RHOH: variants seen among roughly 807,000 people sequenced by gnomAD.
RHOH encodes the protein rho-related GTP-binding protein RhoH.
A neutral mutation model predicts 13.8 loss-of-function variants in RHOH; 6 were observed. That is an observed-to-expected ratio of 0.44 (90% CI 0.24 to 0.86). The LOEUF is 0.86. Among genes scored for constraint, RHOH ranks in the 40% least tolerant of loss-of-function variants. The pLI is 0.24. For missense variants in RHOH, 147 were observed against 244.5 expected (o/e 0.60, Z 2.66); for synonymous variants, 117 against 103.0 (o/e 1.14, Z -0.82).
chr4:40,202,168 A>G (rs1934603271), intron 1 of RHOH, among the ~76,000 whole-genome samples: 1 of 151,890 alleles, frequency 6.6e-6, no homozygotes, highest in Non-Finnish European at 1.5e-5. Flanking sequence ...CCTGGTCTCC[A>G]TCTCCTGGGA....
chr4:40,191,869 A>G (rs1560672390), upstream of RHOH, among the ~76,000 whole-genome samples: 1 of 152,062 alleles, frequency 6.6e-6, no homozygotes, highest in Non-Finnish European at 1.5e-5. Flanking sequence ...TGATGTTTTT[A>G]TGGTTATGGC....
chr4:40,229,648 A>AAAAG (rs1553858793), intron 1 of RHOH, among the ~76,000 whole-genome samples: 9 of 151,580 alleles, frequency 5.9e-5, no homozygotes, highest in East Asian at 1.9e-4. Flanking sequence ...AAAAAAAAAA[A>AAAAG]AAAGAAAGAA....
At chr4:40,220,173 C>A (rs1431321544) in intron 1 of RHOH, among the ~76,000 whole-genome samples, 1 of 152,226 alleles carries the variant, frequency 6.6e-6, no homozygotes, top group African/African-American at 2.4e-5. Flanking sequence ...CAAATACCCA[C>A]GTGCACACCT....
chr4:40,238,999 T>C (rs1176862744), intron 1 of RHOH, among the ~76,000 whole-genome samples: 1 of 152,184 alleles, frequency 6.6e-6, no homozygotes, highest in African/African-American at 2.4e-5. Context: ...CATGTCCTTA[T>C]AGGGTATGGC....
intron 1 of RHOH, among the ~76,000 whole-genome samples, chr4:40,220,559 TC>T (rs1403611379): frequency 5.9e-5 from 9 of 152,116 alleles, no homozygotes; most frequent in Non-Finnish European, 8.8e-5. Flanking sequence ...TGAAATCATT[TC>T]TTCTATAGAG....
chr4:40,228,409 T>C (rs1410988121), intron 1 of RHOH, among the ~76,000 whole-genome samples: 1 of 152,152 alleles, frequency 6.6e-6, no homozygotes, highest in African/African-American at 2.4e-5. Context: ...AAATAGGATA[T>C]ATAGAAATGG....
At chr4:40,195,621 AT>A (rs1560675776), upstream of RHOH, among the ~76,000 whole-genome samples, 1 of 151,740 alleles carries the variant, frequency 6.6e-6, no homozygotes, top group African/African-American at 2.4e-5. Flanking sequence ...TGCCCAGCTA[AT>A]TTTTGTAGAG....
intron 1 of RHOH, among the ~76,000 whole-genome samples, chr4:40,236,604 C>T (rs932021401): frequency 2.0e-5 from 3 of 149,922 alleles, no homozygotes; most frequent in Non-Finnish European, 4.5e-5. Flanking sequence ...TCCTGGCCAA[C>T]ATGGTGAAAC....
At chr4:40,216,471 T>TA (rs200809041) in intron 1 of RHOH, among the ~76,000 whole-genome samples, 74 of 150,168 alleles carry the variant, frequency 4.9e-4, no homozygotes, top group Middle Eastern at 3.4e-3. Context: ...TCCATCTCAA[T>TA]AAAAAAAAAG....
At chr4:40,203,161 A>G (rs1264028175) in intron 1 of RHOH, among the ~76,000 whole-genome samples, 1 of 151,986 alleles carries the variant, frequency 6.6e-6, no homozygotes, top group East Asian at 1.9e-4. Context: ...TTTAGTTGAG[A>G]CGGAGTTTCA....
At chr4:40,234,120 C>A (rs1728274771) in intron 1 of RHOH, among the ~76,000 whole-genome samples, 1 of 152,052 alleles carries the variant, frequency 6.6e-6, no homozygotes, top group South Asian at 2.1e-4. Context: ...TTTTTGCTCT[C>A]TTTTTCCTAG....
intron 1 of RHOH, among the ~76,000 whole-genome samples, chr4:40,223,648 A>G (rs1238230441): frequency 6.6e-6 from 1 of 151,354 alleles, no homozygotes; most frequent in Non-Finnish European, 1.5e-5. Context: ...AAAAATTTTT[A>G]TCTAGACAGA....
At chr4:40,230,476 ACAGGCCAC>A (rs922730410) in intron 1 of RHOH, among the ~76,000 whole-genome samples, 3 of 151,842 alleles carry the variant, frequency 2.0e-5, no homozygotes, top group African/African-American at 7.3e-5. Context: ...GACTACAGGC[ACAGGCCAC>A]CAGGCCCAGC....
intron 1 of RHOH, among the ~76,000 whole-genome samples, chr4:40,204,356 G>A (rs576546193): frequency 1.0e-3 from 155 of 152,230 alleles, no homozygotes; most frequent in Non-Finnish European, 1.7e-3. Context: ...GGATGTGCAA[G>A]GGTCTAACGC....
upstream of RHOH, among the ~76,000 whole-genome samples, chr4:40,194,917 C>T (rs948807742): frequency 6.6e-6 from 1 of 152,174 alleles, no homozygotes; most frequent in African/African-American, 2.4e-5. Flanking sequence ...GTGTTGTCTT[C>T]TCTATGGGAA....
chr4:40,207,984 T>A (rs1432983564), intron 1 of RHOH, among the ~76,000 whole-genome samples: 1 of 151,152 alleles, frequency 6.6e-6, no homozygotes, highest in African/African-American at 2.4e-5. Flanking sequence ...AATAAATAAA[T>A]AATAATTTAA....
intron 1 of RHOH, among the ~76,000 whole-genome samples, chr4:40,226,207 T>G (rs1727211798): frequency 6.6e-6 from 1 of 152,170 alleles, no homozygotes; most frequent in Non-Finnish European, 1.5e-5. Flanking sequence ...AAGGTTATAC[T>G]GCTGCTCAGC....
chr4:40,233,073 A>G (rs917118832), intron 1 of RHOH, among the ~76,000 whole-genome samples: 5 of 152,186 alleles, frequency 3.3e-5, no homozygotes, highest in African/African-American at 4.8e-5. Context: ...CTAGCTCAGA[A>G]CCATCTTACG....
intron 1 of RHOH, among the ~76,000 whole-genome samples, chr4:40,242,033 G>C (rs757904804): frequency 1.3e-5 from 2 of 152,236 alleles, no homozygotes; most frequent in Non-Finnish European, 2.9e-5. Flanking sequence ...CGCCAGGGAG[G>C]GGAGGTTACA....
Sources: gnomAD v4.1 joint callset for allele counts (sites outside exome capture counted in the v4.1 genomes callset) on GRCh38, gnomAD v4.1.1 for gene constraint, MANE v1.5 for transcripts, NCBI Gene and HGNC (gene_info 2026-07-23, HGNC 2026-07-21) for gene names.